Variants in ABCC6 observed in about 807,000 individuals in gnomAD.
ABCC6 encodes ATP binding cassette subfamily C member 6.
A neutral mutation model predicts 169.5 loss-of-function variants in ABCC6; 126 were observed. That is an observed-to-expected ratio of 0.74 (90% CI 0.64 to 0.86). The LOEUF is 0.86. ABCC6 is among the 40% of genes least tolerant of loss of function. The pLI, the probability that ABCC6 is intolerant of heterozygous loss-of-function variation, is 0.00. For missense variants in ABCC6, 1,733 were observed against 1,927.2 expected, an observed-to-expected ratio of 0.90 and a Z score of 1.89; for synonymous variants, 752 against 814.7, an observed-to-expected ratio of 0.92 and a Z score of 1.31.
intron 23 of ABCC6, among the ~76,000 whole-genome samples, chr16:16,163,842 CAGTT>C (rs1287859815): frequency 1.3e-5 from 2 of 152,138 alleles, no homozygotes; most frequent in African/African-American, 4.8e-5. Context: ...CGTCATTCAT[CAGTT>C]AGTGGTGAGA....
At chr16:16,197,880 C>G in intron 10 of ABCC6, 141 bp downstream of exon 10, 1 of 1,018,694 alleles carries the variant, frequency 9.8e-7, no homozygotes, top group Non-Finnish European at 1.5e-6. Context: ...CAGACTTGCC[C>G]TAACCCTGGG....
chr16:16,203,636 C>T, intron 7 of ABCC6, 23 bp from the exon 8 acceptor site: 4 of 1,613,234 alleles, frequency 2.5e-6, no homozygotes, highest in Non-Finnish European at 3.4e-6. Context: ...GAGAGATTAG[C>T]TCTGGGTCCC....
At chr16:16,161,221 G>A (rs928326366) in intron 25 of ABCC6, among the ~76,000 whole-genome samples, 1 of 152,214 alleles carries the variant, frequency 6.6e-6, no homozygotes, top group African/African-American at 2.4e-5. Flanking sequence ...TTTCCAAGGA[G>A]CACACTGACA....
At chr16:16,171,124 G>A (rs6498611) in intron 21 of ABCC6, among the ~76,000 whole-genome samples, 148,264 of 151,738 alleles carry the variant, frequency 0.98, 72,528 homozygotes, top group Middle Eastern at 1. Flanking sequence ...TGTATGACTG[G>A]TTCCTTCACA....
intron 4 of ABCC6, among the ~76,000 whole-genome samples, chr16:16,217,425 T>C (rs979608186): frequency 2.0e-5 from 3 of 152,274 alleles, no homozygotes; most frequent in African/African-American, 4.8e-5. Flanking sequence ...GAATTCATCA[T>C]TGGCTGGGGC....
chr16:16,182,152 T>G (rs1298762056), intron 17 of ABCC6, among the ~76,000 whole-genome samples: 1 of 152,180 alleles, frequency 6.6e-6, no homozygotes. Flanking sequence ...GTCTTCTCAC[T>G]CTCAGTTGTC....
At chr16:16,219,335 G>A (rs980916345) in intron 4 of ABCC6, among the ~76,000 whole-genome samples, 1 of 152,166 alleles carries the variant, frequency 6.6e-6, no homozygotes, top group African/African-American at 2.4e-5. Context: ...CGTGTGATGT[G>A]GGCCTGTAAG....
At chr16:16,166,528 C>A (rs1007422385) in intron 22 of ABCC6, among the ~76,000 whole-genome samples, 1 of 151,306 alleles carries the variant, frequency 6.6e-6, no homozygotes, top group Non-Finnish European at 1.5e-5. Context: ...GGAATGCCAG[C>A]GACTGCCGGC....
At chr16:16,157,625 A>C (rs1419966545) in intron 27 of ABCC6, 38 bp downstream of exon 27, 2 of 1,613,650 alleles carry the variant, frequency 1.2e-6, no homozygotes, top group Non-Finnish European at 1.7e-6. Flanking sequence ...CCTTTGGCCT[A>C]AACTCCATGA....
chr16:16,210,191 C>T (rs1454314161), intron 6 of ABCC6, among the ~76,000 whole-genome samples: 2 of 152,072 alleles, frequency 1.3e-5, no homozygotes, highest in East Asian at 3.9e-4. Flanking sequence ...GGCTGGAGTG[C>T]ACTGGTGTGA....
At chr16:16,185,671 G>A (rs1051687099) in intron 14 of ABCC6, among the ~76,000 whole-genome samples, 1 of 152,144 alleles carries the variant, frequency 6.6e-6, no homozygotes, top group Non-Finnish European at 1.5e-5. Context: ...TGTAATCACA[G>A]CTACTTGAGA....
rs1279963123 is a variant in ABCC6, at chr16:16,182,824, C to A, written c.2050G>T (p.Glu684Ter). 1 of 1,614,014 alleles carries A rather than the reference C, an allele frequency of 6.2e-7. No homozygotes were observed. Among genetic ancestry groups the A allele is most frequent in the African/African-American group, 1.3e-5 (1 of 75,008 alleles). Residue 684 changes from glutamate (E) to a stop codon, truncating the protein, a stop_gained, in exon 16 of 31, where the codon GAG (glutamate) becomes TAG (stop). Coordinates refer to ENST00000205557, the MANE Select transcript of ABCC6 (RefSeq NM_001171.6). LOFTEE classifies it high-confidence loss of function. ...CTCACCTCGATGCTCACGAACCCCT[C>A]CACCTTTGACAGCTCCCCAAGGAGG... ...SALLGELSKV[E>*]GFVSIEGAVA...
At chr16:16,210,936 A>G (rs2048591167) in intron 6 of ABCC6, among the ~76,000 whole-genome samples, 1 of 152,064 alleles carries the variant, frequency 6.6e-6, no homozygotes, top group South Asian at 2.1e-4. Context: ...TCTACAAAAA[A>G]CTACAAAAAT....
chr16:16,210,894 G>T (rs1222896995), intron 6 of ABCC6, among the ~76,000 whole-genome samples: 1 of 152,178 alleles, frequency 6.6e-6, no homozygotes. Flanking sequence ...AGGAGTTTGA[G>T]ACCAGCTTGG....
At chr16:16,175,771 C>T (rs41278178) in intron 20 of ABCC6, 140 bp downstream of exon 20, 14,110 of 857,238 alleles carry the variant, frequency 0.016, 172 homozygotes, top group Non-Finnish European at 0.021. Context: ...CTCAGCAGGG[C>T]ACCATGGGGG....
Position 16,162,989 on chromosome 16 carries a change from C to T in ABCC6, c.3506+4G>A. The T allele has an allele frequency of 6.2e-7, 1 of 1,614,068 alleles. No homozygotes were observed. The highest frequency in any genetic ancestry group is 1.6e-4 in the Middle Eastern group (1 of 6,062). On this transcript the variant is annotated splice_donor_region_variant and intron_variant, in intron 24 of 30. Transcript: ENST00000205557. ...AAGGTCTTCTCTGCCCTGGCTCTTC[C>T]TACCTGTCAGCCACCAGTCGCGGGA...
At chr16:16,158,843 C>T (rs1027154047) in intron 26 of ABCC6, among the ~76,000 whole-genome samples, 1 of 152,084 alleles carries the variant, frequency 6.6e-6, no homozygotes, top group Non-Finnish European at 1.5e-5. Flanking sequence ...TGTTGCTACT[C>T]TGTTACTCTG....
At position 16,221,691 on chromosome 16, in the gene ABCC6, G is replaced by A. The variant is rs371336666; in HGVS notation, c.177C>T (p.Gly59=). 6.6e-5 allele frequency: 107 copies of A among 1,613,828 alleles called. 2 individuals are homozygous for A. The highest frequency in any genetic ancestry group is 5.3e-5 in the Non-Finnish European group (62 of 1,179,870). The change falls in exon 2 of 31, where the codon GGC becomes GGT. Residue 59 remains glycine (G), a synonymous_variant. Transcript: ENST00000205557. ...GTGGGGACATCCGGAGGTAGCCCCG[G>A]CCATGGTGGTGGATGAAGAGGAGGT... is the stretch of plus-strand genomic sequence containing the variant. ...PIYLLFIHHH[G]RGYLRMSPLF...
intron 7 of ABCC6, among the ~76,000 whole-genome samples, chr16:16,207,616 C>T (rs2048434101): frequency 6.6e-6 from 1 of 152,062 alleles, no homozygotes. Flanking sequence ...ACCACAAAAT[C>T]CCGGAGTATG....
Sources: allele counts gnomAD v4.1 joint callset (sites outside exome capture counted in the v4.1 genomes callset), GRCh38; gene constraint gnomAD v4.1.1; transcripts MANE v1.5; gene names NCBI Gene and HGNC (gene_info 2026-07-23, HGNC 2026-07-21).